The following CCDC27 variants were observed in gnomAD, a reference collection of about 807,000 sequenced individuals.
CCDC27 encodes coiled-coil domain containing 27.
CCDC27 carries 80 observed loss-of-function variants against 80.3 expected under a neutral mutation model. The observed-to-expected ratio is 1.00, with a 90% CI of 0.83 to 1.20. CCDC27 has a LOEUF of 1.20. Ranked by LOEUF, CCDC27 falls within the 50% of genes most tolerant of loss-of-function variation. The pLI is 0.00. For missense variants in CCDC27, 815 were observed against 809.4 expected (o/e 1.01, Z -0.08); for synonymous variants, 342 against 334.3 (o/e 1.02, Z -0.25).
chr1:3,770,423 C>T (rs892383251), intron 11 of CCDC27, among the ~76,000 whole-genome samples: 6 of 152,182 alleles, frequency 3.9e-5, no homozygotes, highest in Non-Finnish European at 8.8e-5. Context: ...GAGGGGGTCA[C>T]CACCCACCAG....
intron 4 of CCDC27, 93 bp downstream of exon 4, chr1:3,756,983 T>C (rs1642974176): frequency 7.0e-7 from 1 of 1,429,252 alleles, no homozygotes; most frequent in African/African-American, 1.4e-5. Context: ...GCTCTGGTTC[T>C]AGTATCTGGT....
chr1:3,761,172 T>C lies in CCDC27; in HGVS notation c.712-109T>C. The C allele has an allele frequency of 7.5e-7, 1 of 1,331,154 alleles. No homozygotes were observed. The highest frequency in any genetic ancestry group is 2.3e-5 in the East Asian group (1 of 43,020). 82.5% of individuals were successfully genotyped at this position (1,331,154 alleles called of 1,614,324 possible). On this transcript the variant is annotated intron_variant, in intron 4 of 11. Transcript: ENST00000294600. This position sits in a 1 kb window ranked among gnomAD's most constrained non-coding sequence, Gnocchi z 5.0. ...TGAAATCCCTGGGACCCTGGGGTTT[T>C]GGGGTACCACGACAGCAGATCTGCT...
At chr1:3,759,424 A>G (rs1310751444) in intron 4 of CCDC27, among the ~76,000 whole-genome samples, 1 of 152,222 alleles carries the variant, frequency 6.6e-6, no homozygotes, top group Non-Finnish European at 1.5e-5. Flanking sequence ...CCTCTGTCTC[A>G]TTCCCGACGT....
In CCDC27 at chr1:3,761,558, TG is replaced by T. The variant is rs1643086597; in HGVS notation, c.861+130del. On this transcript the variant is annotated intron_variant, in intron 5 of 11. Coordinates refer to ENST00000294600, the MANE Select transcript of CCDC27 (RefSeq NM_152492.3). The surrounding 1 kb of genome is among the most constrained non-coding windows in gnomAD (Gnocchi z 5.0). ...CCCCTGGATCCTATCAGGTCCTCAC[TG>T]GAACGTGGACCGGTTCTCAGGGTTC... 1.8e-6 allele frequency: 2 copies of T among 1,082,510 alleles called. No homozygotes were observed. Among genetic ancestry groups the T allele is most frequent in the East Asian group, 5.2e-5 (2 of 38,108 alleles). 67.1% of individuals were successfully genotyped at this position (1,082,510 alleles called of 1,614,324 possible).
In CCDC27 at chr1:3,752,488, G is replaced by C; in HGVS notation, c.7G>C (p.Glu3Gln). The change falls in exon 1 of 12, where the codon GAG (glutamate) becomes CAG (glutamine). Residue 3 changes from glutamate to glutamine, a missense_variant. Glu to Gln is a conservative substitution (Grantham distance 29). Coordinates refer to ENST00000294600, the MANE Select transcript of CCDC27 (RefSeq NM_152492.3). MF[E>Q]AIFPSTPQAR... is the part of the protein sequence containing the mutation. ...TGCACCAGCCAGCAGGTTCATGTTCGAGGCCATCTTCCCCTCCACACCCCA... is the reference window on the plus strand; with the variant it reads ...TGCACCAGCCAGCAGGTTCATGTTCCAGGCCATCTTCCCCTCCACACCCCA... 2.5e-6 allele frequency: 4 copies of C among 1,613,594 alleles called. No homozygotes were observed. The highest frequency in any genetic ancestry group is 2.5e-6 in the Non-Finnish European group (3 of 1,179,766).
rs1285891228 is a variant in CCDC27, at chr1:3,763,316, A to G, written c.1163A>G (p.Glu388Gly). 6.2e-7 allele frequency: 1 copy of G among 1,610,662 alleles called. No individual in the cohort carries two copies. Among genetic ancestry groups the G allele is most frequent in the Admixed American group, 1.7e-5 (1 of 59,338 alleles). The change falls in exon 7 of 12, where the codon GAG becomes GGG. Residue 388 changes from glutamate to glycine, a missense_variant. By Grantham distance (98) the Glu-to-Gly change is moderately conservative. Coordinates refer to ENST00000294600, the MANE Select transcript of CCDC27 (RefSeq NM_152492.3). This position sits in a 1 kb window ranked among gnomAD's most constrained non-coding sequence, Gnocchi z 7.5. ...GDRDEDSEER[E>G]LPEEEEIPRR... The stretch of plus-strand genomic sequence containing the variant: ...AGGGATGAGGACTCAGAGGAAAGGG[A>G]GCTGCCGGAGGAAGAGGAGATCCCC...
chr1:3,770,231 C>T (rs1321374283), intron 11 of CCDC27, among the ~76,000 whole-genome samples: 3 of 152,202 alleles, frequency 2.0e-5, no homozygotes, highest in South Asian at 4.1e-4. Flanking sequence ...AGCCCAGCCC[C>T]GGCTTTGTCC....
At chr1:3,762,469 A>G in intron 5 of CCDC27, 151 bp from the exon 6 acceptor site, 1 of 636,262 alleles carries the variant, frequency 1.6e-6, no homozygotes, top group East Asian at 2.8e-5. Flanking sequence ...CCACTGCCAC[A>G]GCACCCACAT....
In CCDC27 at chr1:3,769,851, C is replaced by A; in HGVS notation, c.1812C>A (p.Asn604Lys). The A allele has an allele frequency of 6.2e-7, 1 of 1,613,902 alleles. No homozygotes were observed. The highest frequency in any genetic ancestry group is 8.5e-7 in the Non-Finnish European group (1 of 1,179,868). ...FSISGTKSLA[N>K]EISDNDILEA... ...TCTCCGGGACCAAGTCCTTGGCCAA[C>A]GAGATCTCTGACAATGACATCCTGG... The change falls in exon 11 of 12, where the codon AAC becomes AAA. Residue 604 changes from asparagine to lysine, a missense_variant. Physicochemically the swap from Asn to Lys is moderately conservative, Grantham distance 94. Transcript: ENST00000294600. This position sits in a 1 kb window ranked among gnomAD's most constrained non-coding sequence, Gnocchi z 4.6.
In CCDC27 at chr1:3,752,546, C is replaced by T. The variant is rs765045074; in HGVS notation, c.65C>T (p.Pro22Leu). 6.8e-6 allele frequency: 11 copies of T among 1,614,032 alleles called. No homozygotes were observed. The Admixed American group carries it at 1.3e-4, about 20-fold the overall frequency. The change falls in exon 1 of 12, where the codon CCG becomes CTG. Residue 22 changes from proline to leucine, a missense_variant. Coordinates refer to ENST00000294600, the MANE Select transcript of CCDC27 (RefSeq NM_152492.3). ...ARLKRDPREK[P>L]GLSSFRSTFR... Reference sequence around the variant, plus strand: ...CTGAAGAGAGATCCACGGGAAAAGCCGGGCCTGTCCTCATTCAGGTCCACA... The same window carrying T: ...CTGAAGAGAGATCCACGGGAAAAGCTGGGCCTGTCCTCATTCAGGTCCACA...
chr1:3,768,686 G>A lies in CCDC27; in HGVS notation c.1744-1097G>A, dbSNP rs1324792683. Among the ~76,000 whole-genome samples, 1 of 152,158 alleles carries A rather than the reference G, an allele frequency of 6.6e-6. No homozygotes were observed. Among genetic ancestry groups the A allele is most frequent in the Non-Finnish European group, 1.5e-5 (1 of 68,040 alleles). On this transcript the variant is annotated intron_variant, in intron 10 of 11. Coordinates refer to ENST00000294600, the MANE Select transcript of CCDC27 (RefSeq NM_152492.3). The surrounding 1 kb of genome is among the most constrained non-coding windows in gnomAD (Gnocchi z 5.6). ...GACCTGGTGGAGCCTGGAAAGCTGA[G>A]CTGAGAAATATTGTGAAGCTAAGTC...
intron 4 of CCDC27, chr1:3,757,280 T>C (rs1642981202): frequency 6.5e-6 from 1 of 154,276 alleles, no homozygotes; most frequent in South Asian, 2.0e-4. Context: ...TCTATATTTA[T>C]AAGAAAGACT....
chr1:3,753,787 A>G (rs1401060651), intron 1 of CCDC27, among the ~76,000 whole-genome samples: 4 of 152,082 alleles, frequency 2.6e-5, no homozygotes, highest in African/African-American at 9.7e-5. Context: ...GACCAGCAGC[A>G]TGTGTGGGTG....
chr1:3,763,573 G>T lies in CCDC27; in HGVS notation c.1321+99G>T, dbSNP rs1191240360. The stretch of plus-strand genomic sequence containing the variant: ...GCTGCCTGCTCTGGTCAGTGAGCTG[G>T]AGCAGGGGCAGGTGTCGGCAGCCTC... On this transcript the variant is annotated intron_variant, in intron 7 of 11. Coordinates refer to ENST00000294600, the MANE Select transcript of CCDC27 (RefSeq NM_152492.3). The surrounding 1 kb of genome is among the most constrained non-coding windows in gnomAD (Gnocchi z 7.5). 5 of 1,553,320 alleles carry T rather than the reference G, an allele frequency of 3.2e-6. No individual in the cohort carries two copies. Among genetic ancestry groups the T allele is most frequent in the Non-Finnish European group, 4.4e-6 (5 of 1,146,372 alleles).
At position 3,769,313 on chromosome 1, in the gene CCDC27, C is replaced by G. The variant is rs974602018; in HGVS notation, c.1744-470C>G. Among the ~76,000 whole-genome samples, 1 of 152,094 alleles carries G rather than the reference C, an allele frequency of 6.6e-6. No homozygotes were observed. Among genetic ancestry groups the G allele is most frequent in the African/African-American group, 2.4e-5 (1 of 41,412 alleles). Reference sequence around the variant, plus strand: ...ACGCTGCTGTCCATGGCACAGACACCTCCTAGTCAGCATGGAAAGGAGGAA... The same window carrying G: ...ACGCTGCTGTCCATGGCACAGACACGTCCTAGTCAGCATGGAAAGGAGGAA... On this transcript the variant is annotated intron_variant, in intron 10 of 11. Transcript: ENST00000294600. This position sits in a 1 kb window ranked among gnomAD's most constrained non-coding sequence, Gnocchi z 4.6.
At position 3,761,257 on chromosome 1, in the gene CCDC27, G is replaced by A; in HGVS notation, c.712-24G>A. On this transcript the variant is annotated intron_variant, in intron 4 of 11. Coordinates refer to ENST00000294600, the MANE Select transcript of CCDC27 (RefSeq NM_152492.3). The surrounding 1 kb of genome is among the most constrained non-coding windows in gnomAD (Gnocchi z 5.0). The stretch of plus-strand genomic sequence containing the variant: ...AGTGTGTGGCTGCATGGCCCACGGG[G>A]GCTGCCCTTGGTTTTCTGCCCAGGA... 7 of 1,611,290 alleles carry A rather than the reference G, an allele frequency of 4.3e-6. No homozygotes were observed. Among genetic ancestry groups the A allele is most frequent in the Non-Finnish European group, 5.9e-6 (7 of 1,178,414 alleles).
rs780191948 is a variant in CCDC27, at chr1:3,768,490, C to T, written c.1743+1045C>T. Among the ~76,000 whole-genome samples the T allele has an allele frequency of 2.0e-5, 3 of 152,180 alleles. No homozygotes were observed. The highest frequency in any genetic ancestry group is 2.9e-5 in the Non-Finnish European group (2 of 68,028). Reference sequence around the variant, plus strand: ...TTCCCACCAGAAATGCCAACTGCAACTCAACTGCGTCCTCTTTCCTGCTTG... The same window carrying T: ...TTCCCACCAGAAATGCCAACTGCAATTCAACTGCGTCCTCTTTCCTGCTTG... On this transcript the variant is annotated intron_variant, in intron 10 of 11. Transcript: ENST00000294600. The surrounding 1 kb of genome is among the most constrained non-coding windows in gnomAD (Gnocchi z 5.6).
intron 1 of CCDC27, 126 bp from the exon 2 acceptor site, chr1:3,753,992 T>G: frequency 7.2e-7 from 1 of 1,388,754 alleles, no homozygotes; most frequent in Non-Finnish European, 9.8e-7. Context: ...TGCATCTACA[T>G]ACGACTCATA....
intron 2 of CCDC27, 141 bp downstream of exon 2, chr1:3,754,382 C>T (rs74438944): frequency 0.037 from 42,596 of 1,138,590 alleles, 1,478 homozygotes; most frequent in East Asian, 0.16. Context: ...TTTTGAAATC[C>T]GCTCTGTGCT....
Sources: gnomAD v4.1 joint callset for allele counts (sites outside exome capture counted in the v4.1 genomes callset) on GRCh38, gnomAD v4.1.1 for gene constraint, Gnocchi (gnomAD v3.1) non-coding constraint, MANE v1.5 for transcripts, NCBI Gene and HGNC (gene_info 2026-07-23, HGNC 2026-07-21) for gene names.